The following ITGAD variants were observed in gnomAD, a reference collection of about 807,000 sequenced individuals.
ITGAD encodes the protein integrin subunit alpha D.
ITGAD carries 105 observed loss-of-function variants against 139.0 expected under a neutral mutation model. The observed-to-expected ratio is 0.76, with a 90% CI of 0.65 to 0.89. The LOEUF (loss-of-function observed/expected upper bound fraction) is 0.89. Among genes scored for constraint, ITGAD ranks in the 40% least tolerant of loss-of-function variants. The pLI is 0.00. For synonymous variants in ITGAD, 569 were observed against 598.3 expected (o/e 0.95, Z 0.71); for missense variants, 1,384 against 1,487.3 (o/e 0.93, Z 1.14).
At chr16:31,424,332 C>A in intron 28 of ITGAD, 129 bp downstream of exon 28, 1 of 1,286,520 alleles carries the variant, frequency 7.8e-7, no homozygotes, top group South Asian at 1.2e-5. Flanking sequence ...ACAGCTGTCC[C>A]TAAGGGCACG....
intron 6 of ITGAD, 22 bp downstream of exon 6, chr16:31,402,267 C>A: frequency 3.9e-6 from 1 of 258,338 alleles, no homozygotes; most frequent in Non-Finnish European, 7.7e-6. Context: ...GCACCTGGGG[C>A]TGGGGTTTGG....
At chr16:31,404,452 C>G (rs1432710509) in intron 7 of ITGAD, 1 of 152,184 alleles carries the variant, frequency 6.6e-6, no homozygotes, top group Non-Finnish European at 1.5e-5. Context: ...CCAAACGCAC[C>G]CTCTTTACTT....
intron 20 of ITGAD, 127 bp from the exon 21 acceptor site, chr16:31,417,946 CAA>C: frequency 3.7e-5 from 26 of 711,604 alleles, no homozygotes; most frequent in Admixed American, 4.9e-5. Context: ...AAATCCGTCT[CAA>C]AAAAAAACAA....
intron 28 of ITGAD, 77 bp downstream of exon 28, chr16:31,424,280 T>C: frequency 6.4e-7 from 1 of 1,555,420 alleles, no homozygotes; most frequent in Non-Finnish European, 8.9e-7. Flanking sequence ...GGGTGGGGGG[T>C]TTGCAAGCCT....
Position 31,424,521 on chromosome 16 carries a change from G to C in ITGAD, c.3316G>C (p.Gly1106Arg). Residue 1106 changes from glycine to arginine, a missense_variant, in exon 29 of 30, where the codon GGC becomes CGC. Coordinates refer to ENST00000389202, the MANE Select transcript of ITGAD (RefSeq NM_005353.3). ...CTACAATGCCATTCCCATCATCATGGGCAGCTCTGTGGGGGCTCTGCTACT... is the reference window on the plus strand; with the variant it reads ...CTACAATGCCATTCCCATCATCATGCGCAGCTCTGTGGGGGCTCTGCTACT... ...EVYNAIPIIM[G>R]SSVGALLLLA... 2.5e-6 allele frequency: 4 copies of C among 1,614,076 alleles called. No individual in the cohort carries two copies. The highest frequency in any genetic ancestry group is 3.4e-6 in the Non-Finnish European group (4 of 1,179,992).
intron 2 of ITGAD, among the ~76,000 whole-genome samples, chr16:31,394,886 G>T (rs1345324177): frequency 1.3e-5 from 2 of 152,102 alleles, no homozygotes; most frequent in East Asian, 1.9e-4. Flanking sequence ...TTGCTATGTT[G>T]TCCAGACTGG....
rs189484789 is a variant in ITGAD, at chr16:31,399,130, G to A, written c.427+1221G>A. 2.5e-3 allele frequency among the ~76,000 whole-genome samples: 382 copies of A among 152,298 alleles called. 1 individual carries two copies. The highest frequency in any genetic ancestry group is 8.7e-3 in the African/African-American group (361 of 41,558). On this transcript the variant is annotated intron_variant, in intron 5 of 29. Coordinates refer to ENST00000389202, the MANE Select transcript of ITGAD (RefSeq NM_005353.3). ...ATGACATCTCTCTGAGGGTTGGTCT[G>A]CATCATGGTGGTTCCCAAGTTTGTT...
At chr16:31,412,746 G>A in intron 14 of ITGAD, 92 bp from the exon 15 acceptor site, 1 of 1,529,200 alleles carries the variant, frequency 6.5e-7, no homozygotes, top group Non-Finnish European at 9.0e-7. Context: ...CTCTCCCTTT[G>A]CCACCATCCT....
In ITGAD at chr16:31,397,370, G is replaced by T; in HGVS notation, c.149G>T (p.Gly50Val). 1 of 1,599,198 alleles carries T rather than the reference G, an allele frequency of 6.3e-7. No individual in the cohort carries two copies. Among genetic ancestry groups the T allele is most frequent in the Admixed American group, 1.7e-5 (1 of 58,318 alleles). Reference protein sequence around the residue: ...VQFGGSRLVVGAPLEVVAANQ... With the variant: ...VQFGGSRLVVVAPLEVVAANQ... ...GGTTGTGTCTCCAGACTCGTGGTGG[G>T]AGCACCCCTGGAGGTGGTGGCGGCC... The change falls in exon 3 of 30, where the codon GGA becomes GTA. Residue 50 changes from glycine (G) to valine (V), a missense_variant. By Grantham distance (109) the Gly-to-Val change is moderately radical. Transcript: ENST00000389202.
At chr16:31,402,319 G>T in intron 6 of ITGAD, 74 bp downstream of exon 6, 1 of 1,193,902 alleles carries the variant, frequency 8.4e-7, no homozygotes, top group Non-Finnish European at 1.2e-6. Flanking sequence ...CCCGGGAGGG[G>T]TGGGGGCAGG....
chr16:31,424,228 A>G (rs1163567174), intron 28 of ITGAD, 25 bp downstream of exon 28: 5 of 1,613,700 alleles, frequency 3.1e-6, no homozygotes, highest in South Asian at 2.2e-5. Flanking sequence ...GAGGGCAGCG[A>G]CCAGCTGGAA....
Position 31,393,344 on chromosome 16 carries a change from C to T in ITGAD, c.-17C>T. ...CTGTCCCCAACCTTCCACTTCCCCT[C>T]AACGCGCTGCTCAGGGATGACCTTC... On this transcript the variant is annotated 5_prime_UTR_variant, in exon 1 of 30. Transcript: ENST00000389202. 1 of 1,614,100 alleles carries T rather than the reference C, an allele frequency of 6.2e-7. No individual in the cohort carries two copies. The highest frequency in any genetic ancestry group is 8.5e-7 in the Non-Finnish European group (1 of 1,179,996).
At chr16:31,399,889 G>A (rs1270000402) in intron 5 of ITGAD, among the ~76,000 whole-genome samples, 1 of 152,130 alleles carries the variant, frequency 6.6e-6, no homozygotes, top group Non-Finnish European at 1.5e-5. Flanking sequence ...TCATTTTACA[G>A]ATATGAAAAC....
intron 14 of ITGAD, 40 bp downstream of exon 14, chr16:31,411,557 C>T: frequency 6.3e-7 from 1 of 1,598,590 alleles, no homozygotes; most frequent in Non-Finnish European, 8.6e-7. Context: ...CCAGCTCCTT[C>T]CCATGTCCTG....
chr16:31,416,089 G>C, intron 18 of ITGAD, 124 bp from the exon 19 acceptor site: 1 of 660,758 alleles, frequency 1.5e-6, no homozygotes, highest in Admixed American at 2.8e-5. Context: ...GCCCCTTGTT[G>C]GTGTCCAGCA....
chr16:31,397,805 C>T lies in ITGAD; in HGVS notation c.323C>T (p.Pro108Leu), dbSNP rs747957451. ...TNGSRLLACG[P>L]TLHRVCGENS... is the part of the protein sequence containing the mutation. ...GGCTTCTGCCTCCAGGCCTGTGGCC[C>T]GACCCTGCACAGAGTCTGTGGGGAG... The change falls in exon 5 of 30, where the codon CCG becomes CTG. Residue 108 changes from proline (P) to leucine (L), a missense_variant. Coordinates refer to ENST00000389202, the MANE Select transcript of ITGAD (RefSeq NM_005353.3). The T allele has an allele frequency of 9.4e-5, 151 of 1,613,222 alleles. 2 individuals carry two copies. In the South Asian group the frequency reaches 1.3e-3, roughly 14 times the overall value.
intron 17 of ITGAD, 52 bp downstream of exon 17, chr16:31,414,657 C>A: frequency 6.2e-7 from 1 of 1,607,156 alleles, no homozygotes; most frequent in South Asian, 1.1e-5. Flanking sequence ...CCAAGGCTGG[C>A]CTGGAGCACC....
Position 31,407,830 on chromosome 16 carries a change from C to T in ITGAD, c.923C>T (p.Pro308Leu), listed in dbSNP as rs149997824. The T allele has an allele frequency of 7.4e-5, 119 of 1,612,280 alleles. 1 individual carries two copies. Among genetic ancestry groups the T allele is most frequent in the African/African-American group, 3.6e-4 (27 of 74,872 alleles). The change falls in exon 9 of 30, where the codon CCG (proline) becomes CTG (leucine). Residue 308 changes from proline to leucine, a missense_variant. Transcript: ENST00000389202. ...QELNTISSAP[P>L]QDHVFKVDNF... is the part of the protein sequence containing the mutation. Reference sequence around the variant, plus strand: ...CTGAATACCATCAGCTCAGCGCCTCCGCAGGACCACGTGTTCAAGGTGGAC... The same window carrying T: ...CTGAATACCATCAGCTCAGCGCCTCTGCAGGACCACGTGTTCAAGGTGGAC...
rs759276212 is a variant in ITGAD, at chr16:31,414,560, C to G, written c.2106C>G (p.Thr702=). The G allele has an allele frequency of 2.5e-6, 4 of 1,614,154 alleles. No individual in the cohort carries two copies. The Admixed American group carries it at 6.7e-5, about 27-fold the overall frequency. ...ACCCCACTTTGACTCGAAGAAAAAC[C>G]CTGGGACTGGGGATTCACTGTGAAA... ...TKNPTLTRRK[T]LGLGIHCETL... The change falls in exon 17 of 30, where the codon ACC becomes ACG. Residue 702 remains threonine (T), a synonymous_variant. Transcript: ENST00000389202.
Sources: allele counts gnomAD v4.1 joint callset (sites outside exome capture counted in the v4.1 genomes callset), GRCh38; gene constraint gnomAD v4.1.1; transcripts MANE v1.5; gene names NCBI Gene and HGNC (gene_info 2026-07-23, HGNC 2026-07-21).